Variants in GLIS3 observed in about 807,000 individuals in gnomAD.
GLIS3 encodes GLIS family zinc finger 3.
GLIS3 carries 53 observed loss-of-function variants against 78.6 expected under a neutral mutation model. The observed-to-expected ratio is 0.67, with a 90% CI of 0.54 to 0.85. GLIS3 has a LOEUF of 0.85. Ranked by LOEUF, GLIS3 falls within the 40% of genes least tolerant of loss-of-function variation. The pLI, the probability that GLIS3 is intolerant of heterozygous loss-of-function variation, is 0.00. For missense variants in GLIS3, 1,703 were observed against 1,231.1 expected (o/e 1.38, Z -5.74); for synonymous variants, 684 against 509.9 (o/e 1.34, Z -4.60).
intron 4 of GLIS3, among the ~76,000 whole-genome samples, chr9:3,994,870 C>T (rs2129833987): frequency 6.6e-6 from 1 of 152,062 alleles, no homozygotes; most frequent in East Asian, 1.9e-4. Context: ...GGCTGCCCTA[C>T]AGATAAAGTG....
chr9:4,122,445 A>T (rs1159224134), intron 3 of GLIS3, among the ~76,000 whole-genome samples: 3 of 152,138 alleles, frequency 2.0e-5, no homozygotes, highest in Non-Finnish European at 4.4e-5. Context: ...CAACCCCCTT[A>T]GCCTTCTCTG....
chr9:4,411,619 A>C, the GLIS3 span, among the ~76,000 whole-genome samples: 1 of 152,090 alleles, frequency 6.6e-6, no homozygotes, highest in Non-Finnish European at 1.5e-5. Context: ...ATTTGACCTA[A>C]TTTTTAGAAA....
intron 2 of GLIS3, among the ~76,000 whole-genome samples, chr9:4,134,118 C>A (rs1279631994): frequency 1.3e-5 from 2 of 152,124 alleles, no homozygotes; most frequent in African/African-American, 4.8e-5. Flanking sequence ...ACCTCTCAAC[C>A]ATACCCTTTT....
intron 2 of GLIS3, among the ~76,000 whole-genome samples, chr9:4,316,628 G>T (rs1003793493): frequency 6.6e-6 from 1 of 152,146 alleles, no homozygotes; most frequent in African/African-American, 2.4e-5. Flanking sequence ...ATGTCTAAAT[G>T]GTCCCAGTGT....
chr9:4,396,707 ATATG>A, the GLIS3 span, among the ~76,000 whole-genome samples: 2 of 152,226 alleles, frequency 1.3e-5, no homozygotes, highest in Admixed American at 6.5e-5. Context: ...AATGATATGT[ATATG>A]TACAGACATA....
chr9:3,977,707 T>C lies in GLIS3; in HGVS notation c.1711-40518A>G, dbSNP rs886153216. Among the ~76,000 whole-genome samples, 3 of 152,218 alleles carry C rather than the reference T, an allele frequency of 2.0e-5. No homozygotes were observed. The highest frequency in any genetic ancestry group is 7.2e-5 in the African/African-American group (3 of 41,462). The stretch of plus-strand genomic sequence containing the variant: ...TCATAGAGATGTTACTTTACTTTAA[T>C]AGTTCTTTTATACAAGTACATATTT... On this transcript the variant is annotated intron_variant, in intron 4 of 10. Coordinates refer to ENST00000381971, the MANE Select transcript of GLIS3 (RefSeq NM_001042413.2). This position sits in a 1 kb window ranked among gnomAD's most constrained non-coding sequence, Gnocchi z 4.1.
chr9:4,336,818 C>T (rs1817764103), intron 2 of GLIS3, among the ~76,000 whole-genome samples: 1 of 152,132 alleles, frequency 6.6e-6, no homozygotes, highest in Non-Finnish European at 1.5e-5. Context: ...ATACTAATTA[C>T]ACTACAGATC....
At chr9:4,300,717 C>A (rs1206703830), upstream of GLIS3, among the ~76,000 whole-genome samples, 1 of 151,890 alleles carries the variant, frequency 6.6e-6, no homozygotes, top group Non-Finnish European at 1.5e-5. Context: ...CCCACCTAAG[C>A]TCTGACTCGC....
chr9:4,345,942 G>C (rs1817892505), intron 2 of GLIS3, among the ~76,000 whole-genome samples: 1 of 152,092 alleles, frequency 6.6e-6, no homozygotes, highest in African/African-American at 2.4e-5. Flanking sequence ...AATTCAAAAA[G>C]AATATTCAAT....
chr9:4,398,226 T>A, the GLIS3 span, among the ~76,000 whole-genome samples: 6 of 152,064 alleles, frequency 3.9e-5, no homozygotes, highest in African/African-American at 7.3e-5. Context: ...ATATTTTTTT[T>A]AATATCATTA....
chr9:4,166,775 C>A (rs758050519), intron 2 of GLIS3, among the ~76,000 whole-genome samples: 1 of 152,226 alleles, frequency 6.6e-6, no homozygotes, highest in Non-Finnish European at 1.5e-5. Context: ...CTCATGTGTT[C>A]TCAGCATGAA....
chr9:4,297,984 C>A (rs889841584), intron 1 of GLIS3, among the ~76,000 whole-genome samples: 1 of 152,226 alleles, frequency 6.6e-6, no homozygotes, highest in South Asian at 2.1e-4. Flanking sequence ...GCGGGGTACG[C>A]GCGGCTGCGA....
intron 9 of GLIS3, among the ~76,000 whole-genome samples, chr9:3,829,985 G>A (rs1055462722): frequency 2.0e-5 from 3 of 152,134 alleles, no homozygotes; most frequent in African/African-American, 7.2e-5. Context: ...TGCACATTTA[G>A]ATCTTATTAT....
the GLIS3 span, among the ~76,000 whole-genome samples, chr9:4,431,948 C>A: frequency 6.6e-6 from 1 of 151,952 alleles, no homozygotes; most frequent in Admixed American, 6.6e-5. Flanking sequence ...ACAAAAGTAG[C>A]CATAGGCAAT....
chr9:4,459,310 G>A, the GLIS3 span, among the ~76,000 whole-genome samples: 3 of 152,204 alleles, frequency 2.0e-5, no homozygotes, highest in Non-Finnish European at 4.4e-5. Flanking sequence ...GACAGCCCAA[G>A]GTAGATAGAG....
chr9:3,957,655 C>T (rs558779695), intron 4 of GLIS3, among the ~76,000 whole-genome samples: 2 of 152,292 alleles, frequency 1.3e-5, no homozygotes, highest in East Asian at 1.9e-4. Flanking sequence ...ACATACATAT[C>T]GCATGACTCT....
the GLIS3 span, among the ~76,000 whole-genome samples, chr9:4,448,289 T>C: frequency 4.9e-4 from 75 of 152,298 alleles, no homozygotes; most frequent in African/African-American, 1.7e-3. Flanking sequence ...TTTGAGAACC[T>C]AGAGGCAAAT....
chr9:4,159,526 C>A (rs1309424125), intron 2 of GLIS3, among the ~76,000 whole-genome samples: 2 of 152,124 alleles, frequency 1.3e-5, no homozygotes, highest in African/African-American at 2.4e-5. Flanking sequence ...TGAGACCAGC[C>A]TGGCCAACAC....
At chr9:4,225,929 C>G (rs374047405) in intron 2 of GLIS3, among the ~76,000 whole-genome samples, 1 of 152,168 alleles carries the variant, frequency 6.6e-6, no homozygotes, top group Non-Finnish European at 1.5e-5. Context: ...ACTCAACATT[C>G]TATGAGTGCA....
Sources: gnomAD v4.1 joint callset for allele counts (sites outside exome capture counted in the v4.1 genomes callset) on GRCh38, gnomAD v4.1.1 for gene constraint, Gnocchi (gnomAD v3.1) non-coding constraint, MANE v1.5 for transcripts, NCBI Gene and HGNC (gene_info 2026-07-23, HGNC 2026-07-21) for gene names.